The following ADAM22 variants were observed in gnomAD, a reference collection of about 807,000 sequenced individuals.
The protein encoded by ADAM22 is ADAM metallopeptidase domain 22.
A neutral mutation model predicts 144.6 loss-of-function variants in ADAM22; 65 were observed. The ratio of observed to expected loss-of-function variants is 0.45; its 90% CI spans 0.37 to 0.55. The LOEUF (loss-of-function observed/expected upper bound fraction) is 0.55. Among genes scored for constraint, ADAM22 ranks in the 20% least tolerant of loss-of-function variants. ADAM22 has a pLI of 0.00. For synonymous variants in ADAM22, 391 were observed against 412.6 expected (o/e 0.95, Z 0.63); for missense variants, 974 against 1,184.9 (o/e 0.82, Z 2.61).
chr7:88,147,391 G>T (rs552528084), intron 17 of ADAM22, among the ~76,000 whole-genome samples: 1 of 152,308 alleles, frequency 6.6e-6, no homozygotes, highest in South Asian at 2.1e-4. Flanking sequence ...GCCAGCATTG[G>T]CATGCTTTTT....
chr7:88,023,860 TG>T (rs1798389953), intron 3 of ADAM22, among the ~76,000 whole-genome samples: 1 of 150,624 alleles, frequency 6.6e-6, no homozygotes, highest in African/African-American at 2.4e-5. Context: ...TCCCAGCCTC[TG>T]GTAACCATTA....
intron 3 of ADAM22, among the ~76,000 whole-genome samples, chr7:88,049,345 C>T (rs1431126924): frequency 6.6e-6 from 1 of 151,956 alleles, no homozygotes; most frequent in Admixed American, 6.6e-5. Flanking sequence ...AGAACTTTAC[C>T]CTGTACACTG....
At chr7:87,948,233 C>G (rs564064458) in intron 2 of ADAM22, among the ~76,000 whole-genome samples, 1 of 152,150 alleles carries the variant, frequency 6.6e-6, no homozygotes, top group African/African-American at 2.4e-5. Context: ...AAAAACAAGT[C>G]TCTGAAAGGT....
At chr7:88,120,593 TAGTATATACTTACTCGCCACTA>T (rs1485930147) in intron 7 of ADAM22, among the ~76,000 whole-genome samples, 1 of 152,242 alleles carries the variant, frequency 6.6e-6, no homozygotes, top group Non-Finnish European at 1.5e-5. Context: ...TAATGATGTG[TAGTATATACTTACTCGCCACTA>T]ATCAGAATTT....
At chr7:88,129,651 C>T (rs1471547755) in intron 9 of ADAM22, among the ~76,000 whole-genome samples, 1 of 151,940 alleles carries the variant, frequency 6.6e-6, no homozygotes, top group African/African-American at 2.4e-5. Context: ...ATTCAGATAT[C>T]CATAGACATC....
chr7:88,057,002 T>G (rs1808421885), intron 3 of ADAM22, among the ~76,000 whole-genome samples: 1 of 152,214 alleles, frequency 6.6e-6, no homozygotes, highest in South Asian at 2.1e-4. Flanking sequence ...AGTTATCCCT[T>G]TAAAGTTATT....
intron 4 of ADAM22, chr7:88,089,831 G>A (rs181413101): frequency 6.6e-6 from 1 of 152,322 alleles, no homozygotes; most frequent in Admixed American, 6.5e-5. Flanking sequence ...GCTCTGTGGA[G>A]ATGGGGAGGC....
chr7:88,114,794 T>A (rs1426186736), intron 6 of ADAM22, 147 bp downstream of exon 6: 6 of 684,598 alleles, frequency 8.8e-6, no homozygotes, highest in Non-Finnish European at 1.5e-5. Flanking sequence ...CCTCAACTTA[T>A]GATGGGTCTA....
intron 4 of ADAM22, among the ~76,000 whole-genome samples, chr7:88,085,688 A>G (rs1032056137): frequency 2.6e-5 from 4 of 152,250 alleles, no homozygotes; most frequent in African/African-American, 9.6e-5. Flanking sequence ...AAACAATTTT[A>G]TATTGACCAT....
intron 3 of ADAM22, among the ~76,000 whole-genome samples, chr7:88,047,558 A>G (rs1804992397): frequency 6.6e-6 from 1 of 152,120 alleles, no homozygotes; most frequent in African/African-American, 2.4e-5. Context: ...AAATTTTTAC[A>G]TATTTCTAAA....
At chr7:88,023,799 T>A (rs1563049982) in intron 3 of ADAM22, among the ~76,000 whole-genome samples, 1 of 151,488 alleles carries the variant, frequency 6.6e-6, no homozygotes, top group African/African-American at 2.4e-5. Flanking sequence ...TCTACCCATT[T>A]TTTGGTACTC....
intron 4 of ADAM22, among the ~76,000 whole-genome samples, chr7:88,079,822 T>A (rs1430601430): frequency 1.3e-5 from 2 of 152,170 alleles, no homozygotes; most frequent in Non-Finnish European, 2.9e-5. Context: ...ATGCACTCAA[T>A]ACAGGAGCAC....
At chr7:88,115,675 A>G (rs1827585553) in intron 6 of ADAM22, among the ~76,000 whole-genome samples, 1 of 152,238 alleles carries the variant, frequency 6.6e-6, no homozygotes, top group Admixed American at 6.5e-5. Context: ...CAGGGCCTCA[A>G]TATGAGAAGT....
chr7:88,185,121 C>T (rs904723243), intron 29 of ADAM22, among the ~76,000 whole-genome samples: 1 of 152,126 alleles, frequency 6.6e-6, no homozygotes, highest in African/African-American at 2.4e-5. Flanking sequence ...TTGAGAGTCT[C>T]AGTGGAAATC....
chr7:88,145,624 A>G (rs572698186), intron 17 of ADAM22, 117 bp downstream of exon 17: 1 of 762,310 alleles, frequency 1.3e-6, no homozygotes, highest in African/African-American at 1.8e-5. Flanking sequence ...TTAAATGAGT[A>G]AGTGCCAGGT....
At chr7:88,131,193 G>C in intron 10 of ADAM22, 76 bp from the exon 11 acceptor site, 1 of 1,281,476 alleles carries the variant, frequency 7.8e-7, no homozygotes, top group Non-Finnish European at 1.1e-6. Flanking sequence ...CATGAAAGGA[G>C]TTTTGTAGTC....
At chr7:88,130,249 A>G (rs1831424329) in intron 9 of ADAM22, 139 bp from the exon 10 acceptor site, 1 of 641,302 alleles carries the variant, frequency 1.6e-6, no homozygotes, top group Admixed American at 3.3e-5. Flanking sequence ...ATTGTTTTAC[A>G]GACAACACAT....
At position 88,131,539 on chromosome 7, in the gene ADAM22, G is replaced by A. The variant is rs1831770241; in HGVS notation, c.992+104G>A. 11 of 1,226,862 alleles carry A rather than the reference G, an allele frequency of 9.0e-6. No individual in the cohort carries two copies. In the Admixed American group the frequency reaches 1.2e-4, roughly 13 times the overall value. The allele number at this position is 1,226,862 out of a possible 1,614,324, so 76.0% of individuals were successfully genotyped here. A position where few individuals can be genotyped will look rare whatever the true frequency, so the allele number is the denominator to read the frequency against. On this transcript the variant is annotated intron_variant, in intron 11 of 31. Coordinates refer to ENST00000413139, the MANE Select transcript of ADAM22 (RefSeq NM_001324418.2). ...CTGCTACATAACACAATTAGGATTT[G>A]ACATGGCAGATGGCAGATAGATTTG...
chr7:88,168,546 A>G (rs983847306), intron 25 of ADAM22, among the ~76,000 whole-genome samples: 4 of 152,228 alleles, frequency 2.6e-5, no homozygotes, highest in Middle Eastern at 3.4e-3. Flanking sequence ...AACCTTAAAC[A>G]TTTTGCTCAG....
Sources: allele counts gnomAD v4.1 joint callset (sites outside exome capture counted in the v4.1 genomes callset), GRCh38; gene constraint gnomAD v4.1.1; transcripts MANE v1.5; gene names NCBI Gene and HGNC (gene_info 2026-07-23, HGNC 2026-07-21).